The following INPP5A variants were observed in gnomAD, a reference collection of about 807,000 sequenced individuals.
INPP5A encodes the protein inositol polyphosphate-5-phosphatase A.
In INPP5A, 14 loss-of-function variants were observed where a neutral mutation model predicts 65.2. That is an observed-to-expected ratio of 0.21 (90% CI 0.14 to 0.34). The LOEUF (loss-of-function observed/expected upper bound fraction) is 0.34, where lower values mean the gene tolerates loss of function less well. Ranked by LOEUF, INPP5A falls within the 10% of genes least tolerant of loss-of-function variation. INPP5A has a pLI of 1.00. For missense variants in INPP5A, 431 were observed against 545.6 expected (o/e 0.79, Z 2.09); for synonymous variants, 207 against 208.3 (o/e 0.99, Z 0.05).
chr10:132,737,086 C>T lies in INPP5A; in HGVS notation c.732+10181C>T, dbSNP rs192788388. 4.6e-5 allele frequency among the ~76,000 whole-genome samples: 7 copies of T among 152,358 alleles called. No homozygotes were observed. The East Asian group carries it at 1.2e-3, about 25-fold the overall frequency. On this transcript the variant is annotated intron_variant, in intron 9 of 15. Transcript: ENST00000368594. ...ATGGGCAGGCCTGAGCTCCTAAAAACTGAGAGCATGGCGGCTGACTCCTCA... is the reference window on the plus strand; with the variant it reads ...ATGGGCAGGCCTGAGCTCCTAAAAATTGAGAGCATGGCGGCTGACTCCTCA...
chr10:132,713,710 C>T (rs1021804250), intron 8 of INPP5A, among the ~76,000 whole-genome samples: 1 of 152,170 alleles, frequency 6.6e-6, no homozygotes, highest in Non-Finnish European at 1.5e-5. Context: ...ACACTGAGGC[C>T]GGCCCTCAGC....
rs35335535 is a variant in INPP5A, at chr10:132,561,722, CCACACA to C, written c.75+23586_75+23591del. Among the ~76,000 whole-genome samples the C allele has an allele frequency of 7.1e-3, 1,011 of 142,398 alleles. 9 individuals are homozygous for C. Among genetic ancestry groups the C allele is most frequent in the African/African-American group, 0.023 (876 of 38,436 alleles). 93.4% of individuals were successfully genotyped at this position (142,398 alleles called of 152,430 possible). On this transcript the variant is annotated intron_variant, in intron 1 of 15. Coordinates refer to ENST00000368594, the MANE Select transcript of INPP5A (RefSeq NM_005539.5). The stretch of plus-strand genomic sequence containing the variant: ...GATTTTAGGATTAGTTTGTCAATTT[CCACACA>C]CACACACACACACACACACACACAC...
intron 4 of INPP5A, among the ~76,000 whole-genome samples, chr10:132,666,054 C>CAAAAA (rs5789135): frequency 7.3e-6 from 1 of 136,188 alleles, no homozygotes. Context: ...GATCCTGTCT[C>CAAAAA]AAAAAAAAAA....
chr10:132,672,921 T>C (rs2133440878), intron 4 of INPP5A, among the ~76,000 whole-genome samples: 1 of 152,336 alleles, frequency 6.6e-6, no homozygotes, highest in South Asian at 2.1e-4. Context: ...CCTGGTGGAA[T>C]GTCCCAAACC....
chr10:132,668,558 A>G (rs1463699002), intron 4 of INPP5A, among the ~76,000 whole-genome samples: 3 of 152,212 alleles, frequency 2.0e-5, no homozygotes, highest in South Asian at 2.1e-4. Flanking sequence ...ATTCTTGATC[A>G]CTATCCATAA....
At chr10:132,768,414 C>T (rs951979417) in intron 12 of INPP5A, among the ~76,000 whole-genome samples, 5 of 152,048 alleles carry the variant, frequency 3.3e-5, no homozygotes, top group Non-Finnish European at 7.4e-5. Context: ...CCATGGACCC[C>T]GACCCTCAGT....
intron 4 of INPP5A, among the ~76,000 whole-genome samples, chr10:132,680,410 A>C (rs978137871): frequency 1.3e-5 from 2 of 152,260 alleles, no homozygotes; most frequent in Admixed American, 6.5e-5. Flanking sequence ...TTCATTTGTC[A>C]GTTTAAAAGG....
intron 1 of INPP5A, among the ~76,000 whole-genome samples, chr10:132,572,693 G>A (rs1028129494): frequency 1.3e-5 from 2 of 152,102 alleles, no homozygotes; most frequent in Admixed American, 6.6e-5. Context: ...GGCTTTACTC[G>A]GTAGCGTTTA....
Position 132,690,440 on chromosome 10 carries a change from C to G in INPP5A, c.355C>G (p.Gln119Glu). The G allele has an allele frequency of 6.2e-7, 1 of 1,612,490 alleles. No individual in the cohort carries two copies. Among genetic ancestry groups the G allele is most frequent in the Non-Finnish European group, 8.5e-7 (1 of 1,178,838 alleles). Residue 119 changes from glutamine to glutamate, a missense_variant, in exon 5 of 16, where the codon CAG becomes GAG. Transcript: ENST00000368594. ...FLHESLKNIY[Q>E]FDFKAKKYRK... ...TCATGAGTCCTTAAAAAACATCTAC[C>G]AGTTTGACTTTAAAGGTAAGACTGC... is the stretch of plus-strand genomic sequence containing the variant.
intron 1 of INPP5A, among the ~76,000 whole-genome samples, chr10:132,598,057 T>C (rs1005422955): frequency 1.3e-5 from 2 of 152,278 alleles, no homozygotes; most frequent in Admixed American, 1.3e-4. Context: ...ATTGCAGTTT[T>C]TGTTTGATTT....
intron 1 of INPP5A, among the ~76,000 whole-genome samples, chr10:132,602,388 G>A (rs374196892): frequency 3.3e-5 from 5 of 152,106 alleles, no homozygotes; most frequent in Non-Finnish European, 7.4e-5. Flanking sequence ...CTCTGCCTCT[G>A]GATTCGGGTG....
intron 9 of INPP5A, among the ~76,000 whole-genome samples, chr10:132,728,286 T>C (rs1398371018): frequency 6.6e-6 from 1 of 152,222 alleles, no homozygotes; most frequent in Non-Finnish European, 1.5e-5. Context: ...CCGAAGTCCT[T>C]TCCATCCCGC....
In INPP5A at chr10:132,637,547, C is replaced by T. The variant is rs923561767; in HGVS notation, c.118-8321C>T. Among the ~76,000 whole-genome samples the T allele has an allele frequency of 2.6e-5, 4 of 152,152 alleles. No individual in the cohort carries two copies. Among genetic ancestry groups the T allele is most frequent in the African/African-American group, 2.4e-5 (1 of 41,434 alleles). Reference sequence around the variant, plus strand: ...CTCCCACGGTCACTTCTTTCTCTCACGCTGTTTTCTCTGTGCGATTTTGCT... The same window carrying T: ...CTCCCACGGTCACTTCTTTCTCTCATGCTGTTTTCTCTGTGCGATTTTGCT... On this transcript the variant is annotated intron_variant, in intron 2 of 15. Coordinates refer to ENST00000368594, the MANE Select transcript of INPP5A (RefSeq NM_005539.5). The surrounding 1 kb of genome is among the most constrained non-coding windows in gnomAD (Gnocchi z 4.1).
chr10:132,615,987 G>A (rs992580359), intron 2 of INPP5A, among the ~76,000 whole-genome samples: 3 of 152,214 alleles, frequency 2.0e-5, no homozygotes, highest in Non-Finnish European at 4.4e-5. Context: ...TGGGGAACAG[G>A]GGCCTCCCCT....
rs767291582 is a variant in INPP5A, at chr10:132,749,843, G to A, written c.901G>A (p.Ala301Thr). 29 of 1,612,938 alleles carry A rather than the reference G, an allele frequency of 1.8e-5. No homozygotes were observed. The highest frequency in any genetic ancestry group is 1.2e-4 in the South Asian group (11 of 91,066). ...GGTTTTCCGAGACAACAACGGCACC[G>A]CGGTGAGTTTGTGGTCCAATGTGGC... ...QEVFRDNNGT[A>T]LLEFDKELSV... The change falls in exon 11 of 16, where the codon GCG becomes ACG. Residue 301 changes from alanine (A) to threonine (T), a missense_variant and splice_region_variant. Physicochemically the swap from Ala to Thr is moderately conservative, Grantham distance 58. Transcript: ENST00000368594.
At chr10:132,634,788 G>A (rs532888976) in intron 2 of INPP5A, among the ~76,000 whole-genome samples, 2 of 152,366 alleles carry the variant, frequency 1.3e-5, no homozygotes, top group African/African-American at 2.4e-5. Flanking sequence ...CCGCCACTGC[G>A]GCTCACGGTG....
chr10:132,543,147 G>C (rs188885303), intron 1 of INPP5A, among the ~76,000 whole-genome samples: 3 of 152,202 alleles, frequency 2.0e-5, no homozygotes, highest in African/African-American at 7.2e-5. Flanking sequence ...CTGGTTTTCA[G>C]TATGTTCACA....
intron 9 of INPP5A, among the ~76,000 whole-genome samples, chr10:132,743,975 A>T (rs993610402): frequency 6.6e-6 from 1 of 152,228 alleles, no homozygotes; most frequent in South Asian, 2.1e-4. Flanking sequence ...AGTTTTTGTT[A>T]TGAGAAAGAA....
chr10:132,749,966 G>C (rs1846444640), intron 11 of INPP5A, 121 bp downstream of exon 11: 1 of 898,274 alleles, frequency 1.1e-6, no homozygotes, highest in Admixed American at 1.9e-5. Flanking sequence ...CCAGGACTCA[G>C]TTCTGAGCCA....
Sources: allele counts gnomAD v4.1 joint callset (sites outside exome capture counted in the v4.1 genomes callset), GRCh38; gene constraint gnomAD v4.1.1; non-coding constraint Gnocchi (gnomAD v3.1); transcripts MANE v1.5; gene names NCBI Gene and HGNC (gene_info 2026-07-23, HGNC 2026-07-21).